Variants in SLC25A15 observed in about 807,000 individuals in gnomAD.
SLC25A15 encodes the protein mitochondrial ornithine transporter 1.
SLC25A15 carries 24 observed loss-of-function variants against 32.3 expected under a neutral mutation model. The observed-to-expected ratio is 0.74, with a 90% confidence interval of 0.54 to 1.04. SLC25A15 has a LOEUF of 1.04. SLC25A15 is among the 50% of genes least tolerant of loss of function. SLC25A15 has a pLI of 0.00. For synonymous variants in SLC25A15, 132 were observed against 142.1 expected (o/e 0.93, Z 0.51); for missense variants, 317 against 374.5 (o/e 0.85, Z 1.27).
intron 4 of SLC25A15, among the ~76,000 whole-genome samples, chr13:40,805,673 C>T (rs1277355112): frequency 6.6e-6 from 1 of 152,200 alleles, no homozygotes; most frequent in Non-Finnish European, 1.5e-5. Flanking sequence ...GGTATTCAGG[C>T]TGATTGACCC....
intron 2 of SLC25A15, among the ~76,000 whole-genome samples, chr13:40,795,753 A>G (rs1566120101): frequency 1.3e-5 from 2 of 152,170 alleles, no homozygotes; most frequent in Non-Finnish European, 2.9e-5. Context: ...GGCCTATGGA[A>G]TGCAAATGGA....
At position 40,809,587 on chromosome 13, in the gene SLC25A15, G is replaced by T; in HGVS notation, c.826G>T (p.Ala276Ser). 6.2e-7 allele frequency: 1 copy of T among 1,612,016 alleles called. No homozygotes were observed. Among genetic ancestry groups the T allele is most frequent in the Non-Finnish European group, 8.5e-7 (1 of 1,179,814 alleles). The part of the protein sequence containing the change: ...YSGLKPTMIR[A>S]FPANGALFLA... ...TGGACTGAAACCTACTATGATTCGA[G>T]CATTCCCTGCCAATGGAGCACTCTT... The change falls in exon 7 of 7, where the codon GCA (alanine) becomes TCA (serine). Residue 276 changes from alanine to serine, a missense_variant. Coordinates refer to ENST00000338625, the MANE Select transcript of SLC25A15 (RefSeq NM_014252.4).
In SLC25A15 at chr13:40,811,709, G is replaced by A. The variant is rs147147914; in HGVS notation, c.*2042G>A. 6.6e-6 allele frequency among the ~76,000 whole-genome samples: 1 copy of A among 152,196 alleles called. No homozygotes were observed. Among genetic ancestry groups the A allele is most frequent in the Non-Finnish European group, 1.5e-5 (1 of 68,036 alleles). ...TTTGTGCTGCTCCAACACCAGCAGG[G>A]TATCTCCCAATAAAGTGTTCCTAAG... On this transcript the variant is annotated 3_prime_UTR_variant, in exon 7 of 7. Coordinates refer to ENST00000338625, the MANE Select transcript of SLC25A15 (RefSeq NM_014252.4).
chr13:40,797,039 G>A (rs1012102320), intron 2 of SLC25A15, among the ~76,000 whole-genome samples: 1 of 152,070 alleles, frequency 6.6e-6, no homozygotes, highest in African/African-American at 2.4e-5. Flanking sequence ...GGACTTGATC[G>A]ATCTTTGAGA....
At chr13:40,798,399 C>T (rs545342127) in intron 2 of SLC25A15, among the ~76,000 whole-genome samples, 2 of 152,206 alleles carry the variant, frequency 1.3e-5, no homozygotes, top group South Asian at 4.1e-4. Context: ...TTTACATACA[C>T]GTTATTAATC....
chr13:40,799,334 CT>C lies in SLC25A15; in HGVS notation c.314+26del, dbSNP rs754389895. 1.3e-5 allele frequency: 21 copies of C among 1,613,900 alleles called. No individual in the cohort carries two copies. The South Asian group carries it at 1.9e-4, about 14-fold the overall frequency. ...AGCTGAGGTGAGTCAAGGACACACACTTTTTTTATTTGTTTAAAAAAACCCC... is the reference window on the plus strand; with the variant it reads ...AGCTGAGGTGAGTCAAGGACACACACTTTTTTATTTGTTTAAAAAAACCCC... On this transcript the variant is annotated intron_variant, in intron 3 of 6. Coordinates refer to ENST00000338625, the MANE Select transcript of SLC25A15 (RefSeq NM_014252.4).
In SLC25A15 at chr13:40,811,390, G is replaced by A. The variant is rs1488979465; in HGVS notation, c.*1723G>A. On this transcript the variant is annotated 3_prime_UTR_variant, in exon 7 of 7. Coordinates refer to ENST00000338625, the MANE Select transcript of SLC25A15 (RefSeq NM_014252.4). ...TGTAATCCCAGCTACTCAGGAGGCT[G>A]AGGCAGGAGAATCGCTTGAACCCGG... Among the ~76,000 whole-genome samples, 2 of 152,096 alleles carry A rather than the reference G, an allele frequency of 1.3e-5. No individual in the cohort carries two copies. Among genetic ancestry groups the A allele is most frequent in the Non-Finnish European group, 2.9e-5 (2 of 68,018 alleles).
In SLC25A15 at chr13:40,794,838, C is replaced by T. The variant is rs1418227489; in HGVS notation, c.55+1557C>T. On this transcript the variant is annotated intron_variant, in intron 2 of 6. Transcript: ENST00000338625. Reference sequence around the variant, plus strand: ...TGAGTATGGTCATGAATATGGTCACCTCATCAGTCATTTGCTCAATTGTGA... The same window carrying T: ...TGAGTATGGTCATGAATATGGTCACTTCATCAGTCATTTGCTCAATTGTGA... Among the ~76,000 whole-genome samples, 3 of 152,002 alleles carry T rather than the reference C, an allele frequency of 2.0e-5. No homozygotes were observed. The East Asian group carries it at 5.8e-4, about 29-fold the overall frequency.
At chr13:40,799,824 CA>C (rs1379814588) in intron 3 of SLC25A15, among the ~76,000 whole-genome samples, 1 of 152,210 alleles carries the variant, frequency 6.6e-6, no homozygotes, top group Non-Finnish European at 1.5e-5. Flanking sequence ...CTTTCATTAG[CA>C]AAAAGCAGAG....
chr13:40,802,578 CTTT>C (rs796900075), intron 3 of SLC25A15, among the ~76,000 whole-genome samples: 5 of 141,136 alleles, frequency 3.5e-5, no homozygotes, highest in African/African-American at 5.2e-5. Context: ...TCCATCTGTG[CTTT>C]TTTTTTTTTT....
At chr13:40,791,463 A>T (rs73461256) in intron 1 of SLC25A15, among the ~76,000 whole-genome samples, 5,569 of 151,458 alleles carry the variant, frequency 0.037, 255 homozygotes, top group East Asian at 0.17. Context: ...GTTCAAGTGA[A>T]TCTTCTGCCT....
Position 40,811,834 on chromosome 13 carries a change from C to T in SLC25A15, c.*2167C>T, listed in dbSNP as rs1566126336. ...GAATGTACATGTTGTACAAAACCTCCAGGTTCCTTAAGCTTTTTGCTGTCC... is the reference window on the plus strand; with the variant it reads ...GAATGTACATGTTGTACAAAACCTCTAGGTTCCTTAAGCTTTTTGCTGTCC... On this transcript the variant is annotated 3_prime_UTR_variant, in exon 7 of 7. Coordinates refer to ENST00000338625, the MANE Select transcript of SLC25A15 (RefSeq NM_014252.4). Among the ~76,000 whole-genome samples, 1 of 152,182 alleles carries T rather than the reference C, an allele frequency of 6.6e-6. No homozygotes were observed. Among genetic ancestry groups the T allele is most frequent in the Non-Finnish European group, 1.5e-5 (1 of 68,030 alleles).
intron 3 of SLC25A15, among the ~76,000 whole-genome samples, chr13:40,802,947 A>G (rs1255418733): frequency 1.3e-5 from 2 of 152,100 alleles, no homozygotes; most frequent in Non-Finnish European, 2.9e-5. Context: ...TTAGCTGAGG[A>G]GATTCCCACC....
intron 1 of SLC25A15, among the ~76,000 whole-genome samples, chr13:40,790,275 A>G (rs11841256): frequency 0.015 from 2,324 of 152,260 alleles, 29 homozygotes; most frequent in African/African-American, 0.035. Context: ...CCTTCCAAAA[A>G]AAAGTTATTT....
At chr13:40,790,262 C>T (rs1881433390) in intron 1 of SLC25A15, among the ~76,000 whole-genome samples, 1 of 152,192 alleles carries the variant, frequency 6.6e-6, no homozygotes, top group South Asian at 2.1e-4. Context: ...TCTACTGACT[C>T]TCCCTTCCAA....
chr13:40,809,340 T>C (rs1432077700), intron 6 of SLC25A15, among the ~76,000 whole-genome samples: 1 of 152,200 alleles, frequency 6.6e-6, no homozygotes, highest in Non-Finnish European at 1.5e-5. Flanking sequence ...TGAGCATCAG[T>C]CAGTTTTGCC....
intron 1 of SLC25A15, among the ~76,000 whole-genome samples, chr13:40,792,440 C>T (rs1028429594): frequency 8.5e-5 from 13 of 152,306 alleles, no homozygotes; most frequent in Non-Finnish European, 1.8e-4. Context: ...CTCCTGCACA[C>T]GTTTACATTT....
intron 2 of SLC25A15, chr13:40,798,713 C>T: frequency 1.0e-6 from 1 of 967,348 alleles, no homozygotes; most frequent in Non-Finnish European, 1.2e-6. Context: ...GGAGCTGAGG[C>T]TCAGAAGTTA....
intron 1 of SLC25A15, among the ~76,000 whole-genome samples, chr13:40,790,975 C>G (rs1287444734): frequency 6.6e-6 from 1 of 151,858 alleles, no homozygotes; most frequent in South Asian, 2.1e-4. Context: ...ATGTGACTTT[C>G]CTTCAAAATT....
Sources: gnomAD v4.1 joint callset for allele counts (sites outside exome capture counted in the v4.1 genomes callset) on GRCh38, gnomAD v4.1.1 for gene constraint, MANE v1.5 for transcripts, NCBI Gene and HGNC (gene_info 2026-07-23, HGNC 2026-07-21) for gene names.